ACVR1: variants seen among roughly 807,000 people sequenced by gnomAD.
ACVR1 encodes activin A receptor type 1, also known as activin receptor type-1.
ACVR1 carries 38 observed loss-of-function variants against 57.1 expected under a neutral mutation model. That is an observed-to-expected ratio of 0.67 (90% CI 0.51 to 0.87). The LOEUF (loss-of-function observed/expected upper bound fraction) is 0.87. Ranked by LOEUF, ACVR1 falls within the 40% of genes least tolerant of loss-of-function variation. The pLI, the probability that ACVR1 is intolerant of heterozygous loss-of-function variation, is 0.00. For missense variants in ACVR1, 463 were observed against 638.2 expected, an observed-to-expected ratio of 0.73 and a Z score of 2.96; for synonymous variants, 212 against 228.1, an observed-to-expected ratio of 0.93 and a Z score of 0.63.
At chr2:157,804,736 G>A (rs1337363445) in intron 2 of ACVR1, among the ~76,000 whole-genome samples, 3 of 152,142 alleles carry the variant, frequency 2.0e-5, no homozygotes, top group African/African-American at 7.2e-5. Flanking sequence ...AATCAATACT[G>A]TTTCTTACAA....
At chr2:157,858,953 C>T (rs16842179) in intron 1 of ACVR1, among the ~76,000 whole-genome samples, 8,145 of 152,278 alleles carry the variant, frequency 0.053, 380 homozygotes, top group African/African-American at 0.11. Context: ...GACAGCTCTA[C>T]TTGGACATCC....
intron 3 of ACVR1, among the ~76,000 whole-genome samples, chr2:157,781,141 T>A (rs541322019): frequency 6.6e-6 from 1 of 152,322 alleles, no homozygotes; most frequent in African/African-American, 2.4e-5. Flanking sequence ...AAACTGAGTA[T>A]CCCTTACTCG....
intron 2 of ACVR1, among the ~76,000 whole-genome samples, chr2:157,801,367 C>A (rs1687322391): frequency 6.6e-6 from 1 of 152,084 alleles, no homozygotes; most frequent in South Asian, 2.1e-4. Flanking sequence ...ATGAGCCTTC[C>A]CAAATGACAA....
intron 1 of ACVR1, among the ~76,000 whole-genome samples, chr2:157,829,615 C>T (rs1315146345): frequency 6.6e-6 from 1 of 152,170 alleles, no homozygotes; most frequent in Non-Finnish European, 1.5e-5. Flanking sequence ...TATCTTACAG[C>T]TCCCTGGGGA....
chr2:157,813,857 T>C (rs930879283), intron 2 of ACVR1, among the ~76,000 whole-genome samples: 9 of 152,228 alleles, frequency 5.9e-5, no homozygotes, highest in East Asian at 1.9e-4. Flanking sequence ...TTTGAATTCA[T>C]ACCTAATATT....
At chr2:157,801,125 GT>G (rs901298561) in intron 2 of ACVR1, among the ~76,000 whole-genome samples, 1 of 152,142 alleles carries the variant, frequency 6.6e-6, no homozygotes, top group African/African-American at 2.4e-5. Context: ...TTATTAAACT[GT>G]TTTTTCATAA....
At chr2:157,835,939 C>T (rs979215485) in intron 1 of ACVR1, among the ~76,000 whole-genome samples, 2 of 152,176 alleles carry the variant, frequency 1.3e-5, no homozygotes, top group Non-Finnish European at 2.9e-5. Flanking sequence ...TCAATATGGA[C>T]GCAGACAAGC....
Position 157,816,559 on chromosome 2 carries a change from T to G in ACVR1, c.-8+1826A>C, listed in dbSNP as rs988896368. Among the ~76,000 whole-genome samples, 4 of 152,176 alleles carry G rather than the reference T, an allele frequency of 2.6e-5. No homozygotes were observed. The East Asian group carries it at 7.7e-4, about 29-fold the overall frequency. On this transcript the variant is annotated intron_variant, in intron 2 of 10. Coordinates refer to ENST00000434821, the MANE Select transcript of ACVR1 (RefSeq NM_001111067.4). ...CTGCAGCGTGCCATGATTGCATCAC[T>G]GCTCTCCAGCCTAGGCAACAGAGTG... is the stretch of plus-strand genomic sequence containing the variant.
intron 5 of ACVR1, among the ~76,000 whole-genome samples, chr2:157,775,395 C>T (rs1039270736): frequency 2.0e-5 from 3 of 152,112 alleles, no homozygotes; most frequent in African/African-American, 4.8e-5. Flanking sequence ...AATATTGTGC[C>T]GATGGGTGAT....
chr2:157,763,088 G>A (rs751803876), intron 8 of ACVR1, among the ~76,000 whole-genome samples: 8 of 152,128 alleles, frequency 5.3e-5, no homozygotes, highest in Non-Finnish European at 1.0e-4. Context: ...CAAAACAACC[G>A]GATGCAATTT....
At chr2:157,872,800 T>A (rs953300665) in intron 1 of ACVR1, among the ~76,000 whole-genome samples, 9 of 152,206 alleles carry the variant, frequency 5.9e-5, no homozygotes, top group African/African-American at 2.2e-4. Context: ...GTATTGTGTA[T>A]GTAGGTTATA....
intron 1 of ACVR1, among the ~76,000 whole-genome samples, chr2:157,822,070 C>T (rs1042637798): frequency 5.3e-5 from 8 of 152,164 alleles, no homozygotes; most frequent in African/African-American, 1.9e-4. Flanking sequence ...AAAATCCTTA[C>T]CCTTTCAAGA....
chr2:157,743,686 T>A (rs1221496177), intron 9 of ACVR1, among the ~76,000 whole-genome samples: 1 of 151,140 alleles, frequency 6.6e-6, no homozygotes, highest in East Asian at 1.9e-4. Context: ...GCAAAATATA[T>A]GACCAGTCAC....
chr2:157,813,840 AAATTCATTT>A (rs1442094627), intron 2 of ACVR1, among the ~76,000 whole-genome samples: 4 of 152,248 alleles, frequency 2.6e-5, no homozygotes, highest in Admixed American at 2.0e-4. Flanking sequence ...ATCTAGAGAA[AAATTCATTT>A]GAATTCATAC....
At chr2:157,850,257 G>A (rs2105364139) in intron 1 of ACVR1, among the ~76,000 whole-genome samples, 1 of 152,128 alleles carries the variant, frequency 6.6e-6, no homozygotes. Context: ...AGGTGTGGTG[G>A]TGCACACCTG....
chr2:157,839,518 G>A (rs111799885), intron 1 of ACVR1, among the ~76,000 whole-genome samples: 4 of 152,198 alleles, frequency 2.6e-5, no homozygotes, highest in Non-Finnish European at 4.4e-5. Flanking sequence ...GAATGGCCCA[G>A]GGAGAAATGG....
chr2:157,869,415 T>C (rs1210547261), intron 1 of ACVR1, among the ~76,000 whole-genome samples: 1 of 152,106 alleles, frequency 6.6e-6, no homozygotes, highest in East Asian at 1.9e-4. Flanking sequence ...CCTAGAACAG[T>C]TTTTTCTCTA....
intron 1 of ACVR1, among the ~76,000 whole-genome samples, chr2:157,829,976 T>C (rs1688524514): frequency 6.6e-6 from 1 of 152,184 alleles, no homozygotes; most frequent in Non-Finnish European, 1.5e-5. Flanking sequence ...ACACTCTGTC[T>C]GGGAAGCCAA....
chr2:157,771,346 T>C (rs1574044477), intron 6 of ACVR1, among the ~76,000 whole-genome samples: 1 of 152,234 alleles, frequency 6.6e-6, no homozygotes, highest in African/African-American at 2.4e-5. Flanking sequence ...GTTTGGTGCA[T>C]GGCCCCCTCT....
Sources: gnomAD v4.1 joint callset for allele counts (sites outside exome capture counted in the v4.1 genomes callset) on GRCh38, gnomAD v4.1.1 for gene constraint, MANE v1.5 for transcripts, NCBI Gene and HGNC (gene_info 2026-07-23, HGNC 2026-07-21) for gene names.